Variants in MTUS2 observed in about 807,000 individuals in gnomAD.
MTUS2 encodes microtubule associated scaffold protein 2, also known as microtubule-associated tumor suppressor candidate 2.
In MTUS2, 40 loss-of-function variants were observed where a neutral mutation model predicts 114.1. The observed-to-expected ratio is 0.35, with a 90% confidence interval of 0.27 to 0.46. The LOEUF is 0.46. Ranked by LOEUF, MTUS2 falls within the 20% of genes least tolerant of loss-of-function variation. The pLI is 1.00. For synonymous variants in MTUS2, 688 were observed against 672.0 expected (o/e 1.02, Z -0.37); for missense variants, 1,679 against 1,705.4 (o/e 0.98, Z 0.27).
intron 10 of MTUS2, among the ~76,000 whole-genome samples, chr13:29,485,740 C>G (rs554728278): frequency 6.6e-6 from 1 of 152,358 alleles, no homozygotes; most frequent in East Asian, 1.9e-4. Context: ...TACTGCCAGT[C>G]AGGGCACATC....
chr13:29,182,534 C>T (rs1443749854), intron 5 of MTUS2, among the ~76,000 whole-genome samples: 1 of 152,170 alleles, frequency 6.6e-6, no homozygotes, highest in Non-Finnish European at 1.5e-5. Context: ...ATCCCTGTTA[C>T]TCATTCAACA....
intron 7 of MTUS2, among the ~76,000 whole-genome samples, chr13:29,341,837 G>T (rs922215278): frequency 6.6e-6 from 1 of 152,110 alleles, no homozygotes; most frequent in Non-Finnish European, 1.5e-5. Context: ...TAAGGTGAGA[G>T]ATGAGGATCC....
chr13:29,051,001 G>A (rs1025300750), intron 4 of MTUS2, among the ~76,000 whole-genome samples: 1 of 152,144 alleles, frequency 6.6e-6, no homozygotes, highest in Non-Finnish European at 1.5e-5. Flanking sequence ...CGGGTTAGAA[G>A]TTTGGATATT....
At chr13:29,067,412 G>A (rs539946253) in intron 4 of MTUS2, among the ~76,000 whole-genome samples, 1 of 152,298 alleles carries the variant, frequency 6.6e-6, no homozygotes, top group East Asian at 1.9e-4. Flanking sequence ...CAAGTAGAAA[G>A]TGGTCAAGAC....
At chr13:28,983,260 C>G (rs1045806031) in intron 2 of MTUS2, among the ~76,000 whole-genome samples, 22 of 152,154 alleles carry the variant, frequency 1.4e-4, no homozygotes, top group Admixed American at 2.6e-4. Context: ...TATGCCATCA[C>G]TTGCATGACC....
chr13:28,928,203 T>A (rs556973063), intron 2 of MTUS2, among the ~76,000 whole-genome samples: 151 of 150,862 alleles, frequency 1.0e-3, no homozygotes, highest in African/African-American at 3.4e-3. Flanking sequence ...AAAAAAAAAA[T>A]TTTGTGTAAG....
intron 2 of MTUS2, among the ~76,000 whole-genome samples, chr13:28,963,949 A>G (rs1165627649): frequency 6.6e-6 from 1 of 152,154 alleles, no homozygotes; most frequent in African/African-American, 2.4e-5. Flanking sequence ...TTTGAATGTT[A>G]GATTGTCCTG....
At chr13:29,287,931 G>C (rs974474435) in intron 6 of MTUS2, among the ~76,000 whole-genome samples, 3 of 152,180 alleles carry the variant, frequency 2.0e-5, no homozygotes, top group Non-Finnish European at 4.4e-5. Flanking sequence ...AACGTTGACC[G>C]ATGTTTAAAT....
At chr13:29,462,069 G>A (rs1252608715) in intron 9 of MTUS2, among the ~76,000 whole-genome samples, 2 of 152,232 alleles carry the variant, frequency 1.3e-5, no homozygotes, top group African/African-American at 4.8e-5. Context: ...GAACCACTTG[G>A]AGGGCTTGTG....
At chr13:29,423,684 C>A (rs1213316743) in intron 8 of MTUS2, among the ~76,000 whole-genome samples, 2 of 152,264 alleles carry the variant, frequency 1.3e-5, no homozygotes, top group African/African-American at 2.4e-5. Flanking sequence ...CATTGGGTAC[C>A]ATTTCCACAG....
intron 12 of MTUS2, among the ~76,000 whole-genome samples, chr13:29,494,689 T>G (rs1047827487): frequency 1.3e-5 from 2 of 152,082 alleles, no homozygotes; most frequent in Non-Finnish European, 2.9e-5. Context: ...CGTACTGCAC[T>G]AATGCACCGG....
At chr13:29,422,657 T>C (rs1375497170) in intron 8 of MTUS2, among the ~76,000 whole-genome samples, 1 of 141,210 alleles carries the variant, frequency 7.1e-6, no homozygotes, top group Non-Finnish European at 1.5e-5. Context: ...TCTTTTTTTT[T>C]TTTTTTTTTT....
At chr13:29,477,989 CT>C (rs1880829125) in intron 9 of MTUS2, among the ~76,000 whole-genome samples, 1 of 152,326 alleles carries the variant, frequency 6.6e-6, no homozygotes, top group African/African-American at 2.4e-5. Context: ...AGTGCTACTT[CT>C]GTAATATTCC....
At chr13:28,942,444 C>T (rs959178132) in intron 2 of MTUS2, among the ~76,000 whole-genome samples, 1 of 152,186 alleles carries the variant, frequency 6.6e-6, no homozygotes, top group African/African-American at 2.4e-5. Context: ...GCCTTATAGA[C>T]TAGTAATTAC....
chr13:29,267,443 G>A (rs1441868409), intron 5 of MTUS2, among the ~76,000 whole-genome samples: 1 of 152,138 alleles, frequency 6.6e-6, no homozygotes, highest in African/African-American at 2.4e-5. Flanking sequence ...CTTGTTTGTG[G>A]CCTGTTACCC....
intron 5 of MTUS2, among the ~76,000 whole-genome samples, chr13:29,164,507 T>C (rs1893233349): frequency 6.6e-6 from 1 of 152,234 alleles, no homozygotes. Context: ...TTTTAAAGAT[T>C]GGTTATTGAC....
intron 5 of MTUS2, among the ~76,000 whole-genome samples, chr13:29,211,985 TA>T (rs1205548613): frequency 6.6e-6 from 1 of 152,202 alleles, no homozygotes; most frequent in Non-Finnish European, 1.5e-5. Flanking sequence ...CCTCACTTTC[TA>T]ATTTCTATTC....
At chr13:28,835,077 A>G (rs146638195) in intron 1 of MTUS2, among the ~76,000 whole-genome samples, 5 of 152,234 alleles carry the variant, frequency 3.3e-5, no homozygotes, top group South Asian at 4.1e-4. Flanking sequence ...GGACTGTGCA[A>G]TGGTACAGCC....
intron 2 of MTUS2, among the ~76,000 whole-genome samples, chr13:28,908,207 T>G (rs1880169738): frequency 6.6e-6 from 1 of 151,574 alleles, no homozygotes; most frequent in Middle Eastern, 3.2e-3. Context: ...TAGTTACATA[T>G]GTATACATGT....
Sources: allele counts gnomAD v4.1 joint callset (sites outside exome capture counted in the v4.1 genomes callset), GRCh38; gene constraint gnomAD v4.1.1; transcripts MANE v1.5; gene names NCBI Gene and HGNC (gene_info 2026-07-23, HGNC 2026-07-21).